ALPK1: variants seen among roughly 807,000 people sequenced by gnomAD.
ALPK1 encodes alpha-protein kinase 1.
In ALPK1, 110 loss-of-function variants were observed where a neutral mutation model predicts 120.6. That is an observed-to-expected ratio of 0.91 (90% CI 0.78 to 1.07). ALPK1 has a LOEUF of 1.07. ALPK1 is among the 50% of genes least tolerant of loss of function. ALPK1 has a pLI of 0.00. For missense variants in ALPK1, 1,498 were observed against 1,483.9 expected (o/e 1.01, Z -0.16); for synonymous variants, 582 against 560.3 (o/e 1.04, Z -0.55).
chr4:112,435,123 T>G, intron 11 of ALPK1, 25 bp from the exon 12 acceptor site: 1 of 1,597,042 alleles, frequency 6.3e-7, no homozygotes, highest in Non-Finnish European at 8.5e-7. Context: ...AAAATAAGAT[T>G]CATTTTCATC....
chr4:112,357,769 A>G, intron 2 of ALPK1: 2 of 1,086,448 alleles, frequency 1.8e-6, no homozygotes, highest in East Asian at 2.4e-5. Context: ...CATCGCCCGC[A>G]TGGTGCCCTA....
intron 4 of ALPK1, among the ~76,000 whole-genome samples, chr4:112,387,898 A>G (rs987149524): frequency 1.3e-5 from 2 of 152,154 alleles, no homozygotes; most frequent in African/African-American, 4.8e-5. Flanking sequence ...CCTAGTACCC[A>G]TTAGTTATTT....
At chr4:112,356,686 G>A in intron 2 of ALPK1, 3 of 976,350 alleles carry the variant, frequency 3.1e-6, no homozygotes. Flanking sequence ...TGGAGCAGGA[G>A]CTGGCCAGCC....
intron 1 of ALPK1, among the ~76,000 whole-genome samples, chr4:112,305,577 T>C (rs917115431): frequency 1.1e-4 from 17 of 152,156 alleles, no homozygotes; most frequent in Non-Finnish European, 1.8e-4. Flanking sequence ...ATAAGAATGC[T>C]TGTGATTTTT....
chr4:112,356,365 G>A (rs1228453636), intron 2 of ALPK1: 2 of 839,728 alleles, frequency 2.4e-6, no homozygotes, highest in Non-Finnish European at 4.2e-6. Flanking sequence ...TGCAAGGGGA[G>A]CTTCTCTCAG....
chr4:112,434,799 A>G (rs1039344921), intron 11 of ALPK1, among the ~76,000 whole-genome samples: 2 of 152,152 alleles, frequency 1.3e-5, no homozygotes, highest in Non-Finnish European at 2.9e-5. Flanking sequence ...AGCATGTGTC[A>G]CTTGTCCCAA....
At chr4:112,304,162 G>GCACAAGTTCACACGTAGCTGGTTTGT (rs1727918800) in intron 1 of ALPK1, among the ~76,000 whole-genome samples, 11 of 152,198 alleles carry the variant, frequency 7.2e-5, no homozygotes, top group African/African-American at 2.4e-4. Context: ...ATGGACACTT[G>GCACAAGTTCACACGTAGCTGGTTTGT]GATTGGTTCC....
At position 112,324,488 on chromosome 4, in the gene ALPK1, T is replaced by G. The variant is rs528359580; in HGVS notation, c.-101+8636T>G. Among the ~76,000 whole-genome samples the G allele has an allele frequency of 7.0e-4, 107 of 152,270 alleles. 2 individuals carry two copies. The highest frequency in any genetic ancestry group is 5.4e-3 in the Admixed American group (83 of 15,278). On this transcript the variant is annotated intron_variant, in intron 2 of 15. Coordinates refer to ENST00000650871, the MANE Select transcript of ALPK1 (RefSeq NM_025144.4). ...TGTTTGTTTTGTTTTGTTTTGTTTT[T>G]GTTTTTTCAGACAGGGTCTAACTCT...
chr4:112,344,079 T>C (rs1224353427), intron 2 of ALPK1, among the ~76,000 whole-genome samples: 2 of 152,224 alleles, frequency 1.3e-5, no homozygotes, highest in East Asian at 3.8e-4. Context: ...TTGAGGTTTC[T>C]CCTGATTTTA....
At chr4:112,336,042 G>A (rs1729608082) in intron 2 of ALPK1, among the ~76,000 whole-genome samples, 1 of 152,152 alleles carries the variant, frequency 6.6e-6, no homozygotes, top group African/African-American at 2.4e-5. Flanking sequence ...CCCTTGGCTG[G>A]AGTCTACCTC....
At chr4:112,410,533 A>C (rs1412881610) in intron 4 of ALPK1, among the ~76,000 whole-genome samples, 1 of 152,246 alleles carries the variant, frequency 6.6e-6, no homozygotes, top group African/African-American at 2.4e-5. Context: ...TTTGTGTAGC[A>C]ACATTGTGGT....
In ALPK1 at chr4:112,367,248, G is replaced by A. The variant is rs374867359; in HGVS notation, c.-100-10430G>A. Among the ~76,000 whole-genome samples, 4 of 152,098 alleles carry A rather than the reference G, an allele frequency of 2.6e-5. No individual in the cohort carries two copies. In the South Asian group the frequency reaches 6.2e-4, roughly 24 times the overall value. ...GTAGATTATGAAACAGTGTATACAC[G>A]GTTGATCCCAACTGTAATTTGAAAA... is the stretch of plus-strand genomic sequence containing the variant. On this transcript the variant is annotated intron_variant, in intron 2 of 15. Transcript: ENST00000650871.
chr4:112,322,282 G>A (rs1728896170), intron 2 of ALPK1, among the ~76,000 whole-genome samples: 1 of 152,196 alleles, frequency 6.6e-6, no homozygotes, highest in Non-Finnish European at 1.5e-5. Context: ...ACAAGAGTAT[G>A]AATTAAAATT....
chr4:112,356,346 C>A, intron 2 of ALPK1: 3 of 866,844 alleles, frequency 3.5e-6, no homozygotes, highest in Non-Finnish European at 6.0e-6. Flanking sequence ...TGCAATTTTG[C>A]CGATAGGGTG....
At chr4:112,319,987 A>C (rs376664162) in intron 2 of ALPK1, among the ~76,000 whole-genome samples, 2 of 152,200 alleles carry the variant, frequency 1.3e-5, no homozygotes, top group African/African-American at 4.8e-5. Flanking sequence ...TGTCATCAGC[A>C]AACAGTCACA....
intron 2 of ALPK1, among the ~76,000 whole-genome samples, chr4:112,346,222 T>G (rs1194190845): frequency 2.0e-5 from 3 of 152,228 alleles, no homozygotes; most frequent in Admixed American, 6.5e-5. Context: ...AAATTAACAC[T>G]AATTCTTTAA....
At chr4:112,307,759 T>C (rs1462683459) in intron 1 of ALPK1, among the ~76,000 whole-genome samples, 1 of 152,120 alleles carries the variant, frequency 6.6e-6, no homozygotes, top group Non-Finnish European at 1.5e-5. Flanking sequence ...TTAAGGCTAA[T>C]ATTGTTATGT....
chr4:112,305,394 C>A (rs978761534), intron 1 of ALPK1, among the ~76,000 whole-genome samples: 1 of 151,836 alleles, frequency 6.6e-6, no homozygotes. Context: ...ATGGAATGTT[C>A]TTCCATTTGT....
rs35129721 is a variant in ALPK1 at position 112,432,202 on chromosome 4, G to A, written c.2655G>A (p.Ala885=). Residue 885 remains alanine (A), a synonymous_variant, in exon 11 of 16, where the codon GCG becomes GCA. Transcript: ENST00000650871. Reference sequence around the variant, plus strand: ...TGAGACAGCCGCCTGGTCAGAGGGCGGAGACCCCCAATTCCTCTGTAAGCG... The same window carrying A: ...TGAGACAGCCGCCTGGTCAGAGGGCAGAGACCCCCAATTCCTCTGTAAGCG... ...CILRQPPGQR[A]ETPNSSVSGN... The A allele has an allele frequency of 7.1e-3, 11,506 of 1,614,212 alleles. 57 individuals carry two copies. The highest frequency in any genetic ancestry group is 8.9e-3 in the Non-Finnish European group (10,504 of 1,180,042).
Sources: allele counts gnomAD v4.1 joint callset (sites outside exome capture counted in the v4.1 genomes callset), GRCh38; gene constraint gnomAD v4.1.1; transcripts MANE v1.5; gene names NCBI Gene and HGNC (gene_info 2026-07-23, HGNC 2026-07-21).